ZNF516: variants seen among roughly 807,000 people sequenced by gnomAD.
ZNF516 encodes the protein zinc finger protein 516.
In ZNF516, 19 loss-of-function variants were observed where a neutral mutation model predicts 79.7. That is an observed-to-expected ratio of 0.24 (90% CI 0.17 to 0.35). The LOEUF (loss-of-function observed/expected upper bound fraction) is 0.35. Among genes scored for constraint, ZNF516 ranks in the 10% least tolerant of loss-of-function variants. ZNF516 has a pLI of 1.00. For synonymous variants in ZNF516, 877 were observed against 739.5 expected (o/e 1.19, Z -3.02); for missense variants, 1,678 against 1,679.5 (o/e 1.00, Z 0.02).
intron 1 of ZNF516, among the ~76,000 whole-genome samples, chr18:76,484,634 A>T (rs573787208): frequency 2.1e-4 from 32 of 152,304 alleles, no homozygotes; most frequent in African/African-American, 7.2e-4. Flanking sequence ...GGATTTAAGG[A>T]TTGCCTAAAA....
intron 3 of ZNF516, among the ~76,000 whole-genome samples, chr18:76,396,479 AC>A (rs1568257196): frequency 6.6e-6 from 1 of 152,196 alleles, no homozygotes; most frequent in Non-Finnish European, 1.5e-5. Context: ...ATCTGTAGTA[AC>A]TTTTATAACA....
At chr18:76,375,689 G>A (rs62110867) in intron 4 of ZNF516, among the ~76,000 whole-genome samples, 20,363 of 143,790 alleles carry the variant, frequency 0.14, 1,908 homozygotes, top group Non-Finnish European at 0.19. Flanking sequence ...GGAAGGCCCC[G>A]AAGACCAGGT....
rs563863906 is a variant in ZNF516 at position 76,437,978 on chromosome 18, T to C, written c.1810+3267A>G. 3.9e-5 allele frequency among the ~76,000 whole-genome samples: 6 copies of C among 152,306 alleles called. No homozygotes were observed. In the South Asian group the frequency reaches 1.2e-3, roughly 32 times the overall value. On this transcript the variant is annotated intron_variant, in intron 3 of 6. Coordinates refer to ENST00000443185, the MANE Select transcript of ZNF516 (RefSeq NM_014643.4). ...GAGTATCTAAAAAGTGAGGGTGGGT[T>C]CAACAGGATGGAGTATGGATTTTAC... is the stretch of plus-strand genomic sequence containing the variant.
chr18:76,402,356 G>C (rs2075241960), intron 3 of ZNF516, among the ~76,000 whole-genome samples: 1 of 151,998 alleles, frequency 6.6e-6, no homozygotes, highest in Non-Finnish European at 1.5e-5. Flanking sequence ...GACAGGAAGG[G>C]TCCCACAGGC....
At chr18:76,398,731 G>C (rs1316059870) in intron 3 of ZNF516, among the ~76,000 whole-genome samples, 1 of 152,162 alleles carries the variant, frequency 6.6e-6, no homozygotes, top group Non-Finnish European at 1.5e-5. Flanking sequence ...GCATAGGAGG[G>C]AGTAAGTCTC....
At chr18:76,492,087 G>A (rs1322511194) in intron 1 of ZNF516, 2 of 896,030 alleles carry the variant, frequency 2.2e-6, no homozygotes, top group East Asian at 1.2e-4. Context: ...GTCCCTCCCA[G>A]GGGTCTCCCT....
intron 3 of ZNF516, among the ~76,000 whole-genome samples, chr18:76,435,787 C>T (rs115970525): frequency 0.017 from 2,664 of 152,340 alleles, 75 homozygotes; most frequent in African/African-American, 0.059. Flanking sequence ...GCACACCGTG[C>T]CAGCTCTTCC....
intron 3 of ZNF516, chr18:76,385,830 C>T (rs2074982639): frequency 6.6e-6 from 1 of 152,326 alleles, no homozygotes; most frequent in East Asian, 1.9e-4. Flanking sequence ...CTCCTCCTCC[C>T]AGGCAGCCCA....
At chr18:76,482,033 GAATAT>G in intron 1 of ZNF516, among the ~76,000 whole-genome samples, 1 of 152,294 alleles carries the variant, frequency 6.6e-6, no homozygotes, top group South Asian at 2.1e-4. Flanking sequence ...GTCTATGTAA[GAATAT>G]ACAGCCTGTA....
chr18:76,381,593 G>C (rs1053184707), intron 3 of ZNF516, among the ~76,000 whole-genome samples: 1 of 152,220 alleles, frequency 6.6e-6, no homozygotes, highest in Non-Finnish European at 1.5e-5. Context: ...TCCATTCCAA[G>C]GGGTTCTTCA....
intron 1 of ZNF516, among the ~76,000 whole-genome samples, chr18:76,483,242 A>G (rs1004675569): frequency 2.6e-5 from 4 of 152,112 alleles, no homozygotes; most frequent in Admixed American, 2.6e-4. Context: ...CCAGACAGCA[A>G]CCCGGGGCAG....
At chr18:76,385,164 G>A (rs902754415) in intron 3 of ZNF516, among the ~76,000 whole-genome samples, 5 of 152,220 alleles carry the variant, frequency 3.3e-5, no homozygotes, top group Admixed American at 6.5e-5. Flanking sequence ...CTCTGTCCTC[G>A]GCTCAAACAC....
At chr18:76,371,075 G>A (rs1855257582) in intron 5 of ZNF516, among the ~76,000 whole-genome samples, 1 of 152,220 alleles carries the variant, frequency 6.6e-6, no homozygotes, top group African/African-American at 2.4e-5. Context: ...GGGCCCGGGT[G>A]TATCCCACAG....
rs546426466 is a variant in ZNF516 at position 76,398,880 on chromosome 18, G to A, written c.1811-18577C>T. ...TCCAAAAACACAGAATCCAAATTCC[G>A]TGTCTTTTACAAAGAAACTGTAATG... On this transcript the variant is annotated intron_variant, in intron 3 of 6. Transcript: ENST00000443185. 6.6e-5 allele frequency among the ~76,000 whole-genome samples: 10 copies of A among 152,036 alleles called. No homozygotes were observed. The East Asian group carries it at 9.7e-4, about 15-fold the overall frequency.
chr18:76,442,371 C>A lies in ZNF516; in HGVS notation c.684G>T (p.Gly228=). 1.2e-6 allele frequency: 2 copies of A among 1,609,204 alleles called. No individual in the cohort carries two copies. The highest frequency in any genetic ancestry group is 8.5e-7 in the Non-Finnish European group (1 of 1,179,416). ...CCACGCAGGCCTCGCCGCTGCCGGG[C>A]CCCTGCGCGGTGATGTGGTCCCTCT... ...HIERDHITAQ[G]PGSGEACVEN... is the part of the protein sequence containing the mutation. The change falls in exon 3 of 7, where the codon GGG becomes GGT. Residue 228 remains glycine, a synonymous_variant. Coordinates refer to ENST00000443185, the MANE Select transcript of ZNF516 (RefSeq NM_014643.4).
At chr18:76,436,167 T>C (rs916509696) in intron 3 of ZNF516, among the ~76,000 whole-genome samples, 2 of 152,146 alleles carry the variant, frequency 1.3e-5, no homozygotes, top group Admixed American at 6.5e-5. Context: ...CCTTCTGCTT[T>C]TTACCTTTAC....
Position 76,379,225 on chromosome 18 carries a change from G to C in ZNF516, c.2889C>G (p.Ala963=). The part of the protein sequence containing the change: ...FGVPPAGAGF[A]PTNKHSAPDS... ...CCGGGGCACTGTGCTTATTTGTGGG[G>C]GCAAAGCCAGCCCCCGCTGGGGGGA... The change falls in exon 4 of 7, where the codon GCC becomes GCG. Residue 963 remains alanine, a synonymous_variant. Coordinates refer to ENST00000443185, the MANE Select transcript of ZNF516 (RefSeq NM_014643.4). The C allele has an allele frequency of 6.2e-7, 1 of 1,612,808 alleles. No individual in the cohort carries two copies. Among genetic ancestry groups the C allele is most frequent in the South Asian group, 1.1e-5 (1 of 91,082 alleles).
At chr18:76,390,693 T>C (rs556216120) in intron 3 of ZNF516, among the ~76,000 whole-genome samples, 1 of 152,232 alleles carries the variant, frequency 6.6e-6, no homozygotes, top group African/African-American at 2.4e-5. Flanking sequence ...CGTCGGTCAT[T>C]ATCCTTTGGA....
chr18:76,430,405 A>T (rs1257355009), intron 3 of ZNF516, among the ~76,000 whole-genome samples: 1 of 152,250 alleles, frequency 6.6e-6, no homozygotes, highest in African/African-American at 2.4e-5. Flanking sequence ...CAATTTAACT[A>T]GTCAGACTGG....
Sources: allele counts gnomAD v4.1 joint callset (sites outside exome capture counted in the v4.1 genomes callset), GRCh38; gene constraint gnomAD v4.1.1; transcripts MANE v1.5; gene names NCBI Gene and HGNC (gene_info 2026-07-23, HGNC 2026-07-21).